SQOR: variants seen among roughly 807,000 people sequenced by gnomAD.
SQOR encodes the protein sulfide:quinone oxidoreductase, mitochondrial.
A neutral mutation model predicts 48.6 loss-of-function variants in SQOR; 39 were observed. The observed-to-expected ratio is 0.80, with a 90% CI of 0.62 to 1.05. The LOEUF is 1.05. SQOR is among the 50% of genes least tolerant of loss of function. SQOR has a pLI of 0.00. For missense variants in SQOR, 561 were observed against 559.9 expected (o/e 1.00, Z -0.02); for synonymous variants, 220 against 206.2 (o/e 1.07, Z -0.57).
intron 4 of SQOR, among the ~76,000 whole-genome samples, chr15:45,672,574 T>TG (rs1011766451): frequency 2.6e-5 from 4 of 152,124 alleles, no homozygotes; most frequent in Non-Finnish European, 5.9e-5. Context: ...GAGAATGGGC[T>TG]GGGGAGGCTC....
At chr15:45,661,536 C>A (rs1249375377) in intron 2 of SQOR, among the ~76,000 whole-genome samples, 1 of 152,084 alleles carries the variant, frequency 6.6e-6, no homozygotes, top group Non-Finnish European at 1.5e-5. Context: ...GTAAACTTTC[C>A]AGACTTACCA....
In SQOR at chr15:45,690,961, T is replaced by A; in HGVS notation, c.1296-12T>A. 1 of 1,614,022 alleles carries A rather than the reference T, an allele frequency of 6.2e-7. No homozygotes were observed. The highest frequency in any genetic ancestry group is 1.1e-5 in the South Asian group (1 of 91,078). The stretch of plus-strand genomic sequence containing the variant: ...TTGCTGCAGGTACATTTTTTTGTGT[T>A]ATTTCTTACAGGGGTTACTGGGGAG... On this transcript the variant is annotated splice_polypyrimidine_tract_variant and intron_variant, in intron 9 of 9. Transcript: ENST00000260324.
At chr15:45,639,422 T>G (rs1007519421) in intron 1 of SQOR, among the ~76,000 whole-genome samples, 1 of 152,240 alleles carries the variant, frequency 6.6e-6, no homozygotes, top group Non-Finnish European at 1.5e-5. Context: ...CTGATCATAA[T>G]GAATCTCCAT....
intron 2 of SQOR, 26 bp downstream of exon 2, chr15:45,659,183 GGT>G (rs1889674276): frequency 4.7e-6 from 7 of 1,482,574 alleles, no homozygotes; most frequent in Admixed American, 2.2e-5. Flanking sequence ...TGAGGGCCTG[GGT>G]GTGTGTGTAC....
rs1170898331 is a variant in SQOR at position 45,689,952 on chromosome 15, T to C, written c.1295+735T>C. On this transcript the variant is annotated intron_variant, in intron 9 of 9. Coordinates refer to ENST00000260324, the MANE Select transcript of SQOR (RefSeq NM_021199.4). ...ACACTCTTTGTGTTTAAATTTCTCA[T>C]CTGCAAAATGAAAGTAACATTGCCT... Among the ~76,000 whole-genome samples, 3 of 152,140 alleles carry C rather than the reference T, an allele frequency of 2.0e-5. No homozygotes were observed. In the East Asian group the frequency reaches 5.8e-4, roughly 29 times the overall value.
At position 45,691,049 on chromosome 15, in the gene SQOR, T is replaced by G. The variant is rs561625972; in HGVS notation, c.*19T>G. 1.2e-6 allele frequency: 2 copies of G among 1,612,562 alleles called. No homozygotes were observed. The highest frequency in any genetic ancestry group is 4.5e-5 in the East Asian group (2 of 44,876). The stretch of plus-strand genomic sequence containing the variant: ...GAGTTAAGGATGGCTCAGCACTTGC[T>G]CATCTTGGATGGCTTCTGGGCCAAA... On this transcript the variant is annotated 3_prime_UTR_variant, in exon 10 of 10. Coordinates refer to ENST00000260324, the MANE Select transcript of SQOR (RefSeq NM_021199.4).
chr15:45,686,532 T>C (rs1362696013), intron 7 of SQOR, among the ~76,000 whole-genome samples: 1 of 152,224 alleles, frequency 6.6e-6, no homozygotes. Flanking sequence ...TCATTGCTTC[T>C]TTGATTTGGA....
chr15:45,637,888 C>CATAT (rs1895032935), intron 1 of SQOR, among the ~76,000 whole-genome samples: 2 of 152,210 alleles, frequency 1.3e-5, no homozygotes, highest in African/African-American at 2.4e-5. Context: ...TTCCCTGCTC[C>CATAT]ACTATCTACT....
intron 1 of SQOR, among the ~76,000 whole-genome samples, chr15:45,644,108 C>T (rs927544789): frequency 4.6e-5 from 7 of 151,852 alleles, no homozygotes; most frequent in African/African-American, 9.7e-5. Context: ...CTTTTTGAGA[C>T]GGAGTCTTGC....
chr15:45,672,612 T>C (rs113244689), intron 4 of SQOR, among the ~76,000 whole-genome samples: 1,625 of 152,242 alleles, frequency 0.011, 32 homozygotes, highest in African/African-American at 0.037. Context: ...TTGATGACTG[T>C]TTCTTGATGA....
intron 7 of SQOR, among the ~76,000 whole-genome samples, chr15:45,683,758 A>G (rs1280915386): frequency 1.3e-5 from 2 of 152,138 alleles, no homozygotes; most frequent in Non-Finnish European, 2.9e-5. Context: ...AAATTATAAT[A>G]CTCATATACC....
At chr15:45,638,741 AG>A (rs1348444535) in intron 1 of SQOR, among the ~76,000 whole-genome samples, 2 of 151,836 alleles carry the variant, frequency 1.3e-5, no homozygotes, top group African/African-American at 2.4e-5. Flanking sequence ...AAAGAAAGAA[AG>A]AAAAAAAAAA....
At chr15:45,653,785 T>C (rs1045875211) in intron 1 of SQOR, among the ~76,000 whole-genome samples, 4 of 152,168 alleles carry the variant, frequency 2.6e-5, no homozygotes, top group Admixed American at 2.6e-4. Flanking sequence ...TTTTAGGAAC[T>C]TGGAGCTGGG....
chr15:45,684,592 TTCTCTCTC>T (rs66499038), intron 7 of SQOR, among the ~76,000 whole-genome samples: 2 of 150,188 alleles, frequency 1.3e-5, no homozygotes, highest in Admixed American at 6.6e-5. Context: ...TTAAGGGGTG[TTCTCTCTC>T]TCTCTCTCTC....
At chr15:45,637,856 CT>C (rs920909509) in intron 1 of SQOR, among the ~76,000 whole-genome samples, 2 of 152,346 alleles carry the variant, frequency 1.3e-5, no homozygotes, top group Admixed American at 1.3e-4. Context: ...CATAGATGTA[CT>C]TTTTTCTTCT....
chr15:45,653,038 G>C (rs1168427284), intron 1 of SQOR, among the ~76,000 whole-genome samples: 1 of 152,044 alleles, frequency 6.6e-6, no homozygotes, highest in Non-Finnish European at 1.5e-5. Flanking sequence ...CTATAAACTT[G>C]GTTTAGGTCA....
chr15:45,660,173 G>T (rs1364297251), intron 2 of SQOR, among the ~76,000 whole-genome samples: 1 of 152,224 alleles, frequency 6.6e-6, no homozygotes, highest in East Asian at 1.9e-4. Context: ...GCATGTACTG[G>T]TTGGGAGCTG....
At chr15:45,679,100 A>C (rs1890083349) in intron 6 of SQOR, among the ~76,000 whole-genome samples, 1 of 152,214 alleles carries the variant, frequency 6.6e-6, no homozygotes, top group African/African-American at 2.4e-5. Context: ...AGGGGTGTGG[A>C]TAAATGAATG....
rs76323079 is a variant in SQOR at position 45,669,756 on chromosome 15, C to T, written c.406-172C>T. ...AGACATTCAGATTAAAAAATGGGAA[C>T]CTGGGCAGGACTCCCAACCTTGTTC... On this transcript the variant is annotated intron_variant, in intron 3 of 9. Transcript: ENST00000260324. Among the ~76,000 whole-genome samples, 1,192 of 152,248 alleles carry T rather than the reference C, an allele frequency of 7.8e-3. 15 individuals are homozygous for T. Among genetic ancestry groups the T allele is most frequent in the African/African-American group, 0.027 (1,121 of 41,528 alleles).
Sources: gnomAD v4.1 joint callset for allele counts (sites outside exome capture counted in the v4.1 genomes callset) on GRCh38, gnomAD v4.1.1 for gene constraint, MANE v1.5 for transcripts, NCBI Gene and HGNC (gene_info 2026-07-23, HGNC 2026-07-21) for gene names.